The following FRMPD4 variants were observed in gnomAD, a reference collection of about 807,000 sequenced individuals.
The protein encoded by FRMPD4 is FERM and PDZ domain containing 4.
Under a neutral mutation model 94.1 loss-of-function variants are expected in FRMPD4, and 22 were observed. The observed-to-expected ratio is 0.23, with a 90% confidence interval of 0.17 to 0.33. FRMPD4 has a LOEUF of 0.33. FRMPD4 is among the 10% of genes least tolerant of loss of function. The probability of loss-of-function intolerance (pLI) is 1.00; values close to 1 mark genes in which losing one functional copy is unlikely to be tolerated. For synonymous variants in FRMPD4, 631 were observed against 548.6 expected (o/e 1.15, Z -2.10); for missense variants, 1,111 against 1,339.9 (o/e 0.83, Z 2.67).
intron 3 of FRMPD4, among the ~76,000 whole-genome samples, chrX:12,082,541 G>A (rs763026800): frequency 1.8e-5 from 2 of 111,540 alleles, no homozygotes; most frequent in Admixed American, 1.9e-4. Flanking sequence ...CTAGAAGTGG[G>A]GTATTGCTGA....
chrX:11,826,905 A>T (rs1413644360), intron 1 of FRMPD4, among the ~76,000 whole-genome samples: 3 of 109,116 alleles, frequency 2.7e-5, no homozygotes, highest in African/African-American at 1.0e-4. Context: ...ACCGTGAGAG[A>T]GGTACATACA....
chrX:12,708,482 AAAC>A (rs200953138), intron 13 of FRMPD4, among the ~76,000 whole-genome samples: 2,235 of 107,947 alleles, frequency 0.021, 59 homozygotes, highest in African/African-American at 0.073. Flanking sequence ...AAAAAAAAAA[AAAC>A]ACAAAAATCT....
At chrX:11,843,607 G>A (rs1481588436) in intron 1 of FRMPD4, among the ~76,000 whole-genome samples, 1 of 110,074 alleles carries the variant, frequency 9.1e-6, no homozygotes, top group African/African-American at 3.3e-5. Context: ...ACTCAGGCTG[G>A]AGCACACTGG....
chrX:12,581,921 A>G (rs763008136), intron 2 of FRMPD4, among the ~76,000 whole-genome samples: 1 of 111,013 alleles, frequency 9.0e-6, no homozygotes, highest in South Asian at 3.8e-4. Flanking sequence ...TTCTTTATTC[A>G]TTTCCTATGT....
chrX:12,265,294 C>A (rs910697118), intron 1 of FRMPD4, among the ~76,000 whole-genome samples: 8 of 112,084 alleles, frequency 7.1e-5, no homozygotes, highest in Admixed American at 5.7e-4. Flanking sequence ...TTTGATGCTG[C>A]GGTTTGCTGG....
intron 1 of FRMPD4, among the ~76,000 whole-genome samples, chrX:12,262,888 G>C (rs1467527222): frequency 1.8e-5 from 2 of 111,911 alleles, no homozygotes; most frequent in Admixed American, 9.4e-5. Context: ...GGTTGTGCAG[G>C]TATTCTACAC....
chrX:12,492,649 T>A (rs2057804805), intron 1 of FRMPD4, among the ~76,000 whole-genome samples: 1 of 111,908 alleles, frequency 8.9e-6, no homozygotes, highest in Non-Finnish European at 1.9e-5. Context: ...TTTCCTGTCC[T>A]CCTTGTCATA....
chrX:11,854,234 A>G (rs1013635408), intron 1 of FRMPD4, among the ~76,000 whole-genome samples: 7 of 111,380 alleles, frequency 6.3e-5, no homozygotes, highest in Admixed American at 3.8e-4. Context: ...TGATTCATTT[A>G]TCTCTACCTG....
At chrX:12,073,667 A>G (rs1433010980) in intron 3 of FRMPD4, among the ~76,000 whole-genome samples, 1 of 112,122 alleles carries the variant, frequency 8.9e-6, no homozygotes, top group East Asian at 2.8e-4. Flanking sequence ...CTCCAAAATG[A>G]ATGTAATAAT....
rs532546423 is a variant in FRMPD4, at chrX:12,008,858, T to A, written c.95+130840T>A. Among the ~76,000 whole-genome samples, 255 of 112,135 alleles carry A rather than the reference T, an allele frequency of 2.3e-3. 1 individual carries two copies. Among genetic ancestry groups the A allele is most frequent in the South Asian group, 6.4e-3 (17 of 2,641 alleles). On this transcript the variant is annotated intron_variant, in intron 3 of 18. Transcript: ENST00000640291. ...GAAAATATTAATTTTTGCTTTTTTTTAAAAAAATGTAGATGTAGATTATTT... is the reference window on the plus strand; with the variant it reads ...GAAAATATTAATTTTTGCTTTTTTTAAAAAAAATGTAGATGTAGATTATTT...
intron 3 of FRMPD4, among the ~76,000 whole-genome samples, chrX:12,087,292 G>A (rs770537507): frequency 1.8e-5 from 2 of 111,776 alleles, no homozygotes; most frequent in Non-Finnish European, 3.8e-5. Context: ...GAAAGTCAAA[G>A]AGAGAAGTTT....
chrX:12,108,405 C>A (rs1396997978), intron 3 of FRMPD4, among the ~76,000 whole-genome samples: 2 of 112,036 alleles, frequency 1.8e-5, no homozygotes, highest in Non-Finnish European at 3.8e-5. Flanking sequence ...GCCTGCTCTA[C>A]AAGAGCTCCT....
At chrX:12,423,666 A>G (rs34676037) in intron 1 of FRMPD4, among the ~76,000 whole-genome samples, 4,955 of 112,307 alleles carry the variant, frequency 0.044, 106 homozygotes, top group African/African-American at 0.065. Context: ...TGTACTTTTG[A>G]AAGATTTGTA....
At chrX:12,220,488 T>C (rs941015262) in intron 1 of FRMPD4, among the ~76,000 whole-genome samples, 2 of 111,977 alleles carry the variant, frequency 1.8e-5, no homozygotes, top group East Asian at 5.6e-4. Flanking sequence ...TATTTACCCA[T>C]ATCCATCCGC....
At chrX:12,118,310 A>AGTGG (rs1289230721) in intron 3 of FRMPD4, among the ~76,000 whole-genome samples, 1 of 112,189 alleles carries the variant, frequency 8.9e-6, no homozygotes, top group African/African-American at 3.2e-5. Flanking sequence ...TATGCACTTA[A>AGTGG]GTGGATGACA....
intron 3 of FRMPD4, among the ~76,000 whole-genome samples, chrX:12,065,922 G>A (rs2054917035): frequency 8.9e-6 from 1 of 111,842 alleles, no homozygotes; most frequent in African/African-American, 3.2e-5. Flanking sequence ...TCATTATTAA[G>A]TTTCACAAAT....
chrX:12,029,709 C>T (rs2054680871), intron 3 of FRMPD4, among the ~76,000 whole-genome samples: 1 of 111,671 alleles, frequency 9.0e-6, no homozygotes, highest in Non-Finnish European at 1.9e-5. Context: ...TTAAAGGGAT[C>T]ACCTCTTTAG....
At chrX:12,068,748 T>G (rs988541916) in intron 3 of FRMPD4, among the ~76,000 whole-genome samples, 10 of 112,397 alleles carry the variant, frequency 8.9e-5, no homozygotes, top group Non-Finnish European at 3.8e-5. Flanking sequence ...ATTGGTTAAC[T>G]TGTCGATTAG....
At chrX:12,416,077 G>C (rs1346058461) in intron 1 of FRMPD4, among the ~76,000 whole-genome samples, 1 of 111,646 alleles carries the variant, frequency 9.0e-6, no homozygotes, top group African/African-American at 3.3e-5. Flanking sequence ...CATTTAGTGA[G>C]CATCTATTTT....
Sources: gnomAD v4.1 joint callset for allele counts (sites outside exome capture counted in the v4.1 genomes callset) on GRCh38, gnomAD v4.1.1 for gene constraint, MANE v1.5 for transcripts, NCBI Gene and HGNC (gene_info 2026-07-23, HGNC 2026-07-21) for gene names.